The following ASCC3 variants were observed in gnomAD, a reference collection of about 807,000 sequenced individuals.
ASCC3 encodes ASC-1 complex subunit P200.
In ASCC3, 158 loss-of-function variants were observed where a neutral mutation model predicts 256.3. The observed-to-expected ratio is 0.62, with a 90% CI of 0.54 to 0.70. The LOEUF is 0.70. ASCC3 is among the 30% of genes least tolerant of loss of function. The pLI is 0.00. For synonymous variants in ASCC3, 948 were observed against 883.4 expected, an observed-to-expected ratio of 1.07 and a Z score of -1.30; for missense variants, 2,259 against 2,626.0, an observed-to-expected ratio of 0.86 and a Z score of 3.05.
chr6:100,737,421 T>TA (rs1221840158), intron 10 of ASCC3, among the ~76,000 whole-genome samples: 2 of 152,098 alleles, frequency 1.3e-5, no homozygotes, highest in Non-Finnish European at 2.9e-5. Flanking sequence ...GTTGTTCCCC[T>TA]ACCTGTGTCT....
chr6:100,862,555 A>AT (rs1332526546), intron 3 of ASCC3, among the ~76,000 whole-genome samples: 1 of 152,186 alleles, frequency 6.6e-6, no homozygotes, highest in African/African-American at 2.4e-5. Flanking sequence ...CAGCAAGCAT[A>AT]TGGTAAGGTA....
chr6:100,813,258 C>T (rs1484065763), intron 4 of ASCC3, among the ~76,000 whole-genome samples: 1 of 152,088 alleles, frequency 6.6e-6, no homozygotes, highest in Non-Finnish European at 1.5e-5. Flanking sequence ...CAGTTCAAGA[C>T]AGGCCTGACC....
chr6:100,578,618 T>C (rs1437623912), intron 36 of ASCC3, among the ~76,000 whole-genome samples: 3 of 152,156 alleles, frequency 2.0e-5, no homozygotes, highest in African/African-American at 7.2e-5. Context: ...TATGGCTGCA[T>C]AGTTTTCCAT....
intron 8 of ASCC3, among the ~76,000 whole-genome samples, chr6:100,772,025 G>A (rs368510615): frequency 3.6e-4 from 54 of 151,802 alleles, no homozygotes; most frequent in African/African-American, 9.2e-4. Context: ...GACTACAGGC[G>A]CCAGCCACCA....
chr6:100,583,978 A>C (rs1221245868), intron 36 of ASCC3, among the ~76,000 whole-genome samples: 5 of 152,034 alleles, frequency 3.3e-5, no homozygotes, highest in African/African-American at 1.2e-4. Context: ...CTGTTGTTTT[A>C]CATTTGCTGA....
intron 20 of ASCC3, among the ~76,000 whole-genome samples, chr6:100,649,659 T>C (rs146012065): frequency 6.6e-6 from 1 of 151,762 alleles, no homozygotes; most frequent in Non-Finnish European, 1.5e-5. Context: ...AACACAAACA[T>C]TCTTTTTCTA....
intron 28 of ASCC3, 25 bp downstream of exon 28, chr6:100,627,817 C>T: frequency 6.2e-7 from 1 of 1,613,026 alleles, no homozygotes; most frequent in Non-Finnish European, 8.5e-7. Context: ...TAAATAAATG[C>T]ATAATTTATC....
intron 22 of ASCC3, among the ~76,000 whole-genome samples, chr6:100,645,293 T>C (rs200732036): frequency 6.6e-6 from 1 of 152,002 alleles, no homozygotes; most frequent in African/African-American, 2.4e-5. Flanking sequence ...TTTATATCTA[T>C]AGAAATATTA....
In ASCC3 at chr6:100,650,722, A is replaced by G. The variant is rs777664110; in HGVS notation, c.3076-8T>C. 2.7e-5 allele frequency: 43 copies of G among 1,604,446 alleles called. No individual in the cohort carries two copies. The highest frequency in any genetic ancestry group is 3.4e-5 in the Non-Finnish European group (40 of 1,172,628). ...TATTTCCTCTTCTCTGACCTAGAAG[A>G]ATCAATGTATTTATTGGAATTTTGG... On this transcript the variant is annotated splice_region_variant and splice_polypyrimidine_tract_variant and intron_variant, in intron 19 of 41. Transcript: ENST00000369162.
chr6:100,729,935 G>A (rs879910777), intron 10 of ASCC3, among the ~76,000 whole-genome samples: 31 of 152,112 alleles, frequency 2.0e-4, no homozygotes, highest in Non-Finnish European at 3.5e-4. Context: ...AAATACAATA[G>A]TATACTATAT....
intron 20 of ASCC3, among the ~76,000 whole-genome samples, chr6:100,650,158 A>T (rs559364928): frequency 1.1e-4 from 17 of 150,822 alleles, no homozygotes; most frequent in Non-Finnish European, 2.1e-4. Context: ...AATCTAAAAA[A>T]GTTCCACAAT....
intron 14 of ASCC3, among the ~76,000 whole-genome samples, chr6:100,675,708 G>A (rs574334473): frequency 3.9e-5 from 6 of 152,048 alleles, no homozygotes; most frequent in Non-Finnish European, 7.4e-5. Flanking sequence ...CTTATTACGT[G>A]GTAGAAATTC....
At position 100,640,922 on chromosome 6, in the gene ASCC3, A is replaced by G. The variant is rs75942990; in HGVS notation, c.3901+1659T>C. Among the ~76,000 whole-genome samples the G allele has an allele frequency of 5.1e-3, 781 of 152,220 alleles. 6 individuals carry two copies. Among genetic ancestry groups the G allele is most frequent in the African/African-American group, 0.018 (751 of 41,524 alleles). On this transcript the variant is annotated intron_variant, in intron 24 of 41. Coordinates refer to ENST00000369162, the MANE Select transcript of ASCC3 (RefSeq NM_006828.4). Reference sequence around the variant, plus strand: ...ACTGCCAAATAATGAGTTCATTAAAAGTAGTGAGGACTATATTTTTATTCT... The same window carrying G: ...ACTGCCAAATAATGAGTTCATTAAAGGTAGTGAGGACTATATTTTTATTCT...
At chr6:100,531,718 A>G (rs540265305) in intron 37 of ASCC3, among the ~76,000 whole-genome samples, 25 of 152,244 alleles carry the variant, frequency 1.6e-4, no homozygotes, top group Admixed American at 1.3e-3. Flanking sequence ...TCTTGATTTC[A>G]AAAGGTTCCA....
At chr6:100,670,079 C>T (rs1010603195) in intron 14 of ASCC3, among the ~76,000 whole-genome samples, 1 of 151,736 alleles carries the variant, frequency 6.6e-6, no homozygotes, top group African/African-American at 2.4e-5. Context: ...ATGTACTAAA[C>T]ATGCAGTTTA....
chr6:100,864,355 T>A, intron 2 of ASCC3, 141 bp from the exon 3 acceptor site: 1 of 684,000 alleles, frequency 1.5e-6, no homozygotes, highest in Non-Finnish European at 2.4e-6. Context: ...ACATCCAAAC[T>A]GACTACTCAC....
intron 13 of ASCC3, among the ~76,000 whole-genome samples, chr6:100,696,899 T>C (rs1309786565): frequency 6.6e-6 from 1 of 152,096 alleles, no homozygotes; most frequent in African/African-American, 2.4e-5. Context: ...TGTGTATACA[T>C]ATTAAATTAC....
chr6:100,647,599 T>G, intron 20 of ASCC3, 148 bp from the exon 21 acceptor site: 1 of 704,354 alleles, frequency 1.4e-6, no homozygotes, highest in Non-Finnish European at 2.4e-6. Flanking sequence ...CATATAATCC[T>G]AATTATCTTA....
chr6:100,725,369 G>C (rs1028729315), intron 11 of ASCC3, among the ~76,000 whole-genome samples, 170 bp downstream of exon 11: 38 of 151,962 alleles, frequency 2.5e-4, no homozygotes, highest in African/African-American at 8.7e-4. Context: ...TGAATAGCCA[G>C]TGAGGTCTAA....
Sources: gnomAD v4.1 joint callset for allele counts (sites outside exome capture counted in the v4.1 genomes callset) on GRCh38, gnomAD v4.1.1 for gene constraint, MANE v1.5 for transcripts, NCBI Gene and HGNC (gene_info 2026-07-23, HGNC 2026-07-21) for gene names.